Variants in NBAS observed in about 807,000 individuals in gnomAD.
NBAS encodes NBAS subunit of NRZ tethering complex.
In NBAS, 219 loss-of-function variants were observed where a neutral mutation model predicts 302.5. The ratio of observed to expected loss-of-function variants is 0.72; its 90% CI spans 0.65 to 0.81. The LOEUF is 0.81. Ranked by LOEUF, NBAS falls within the 30% of genes least tolerant of loss-of-function variation. NBAS has a pLI of 0.00. For synonymous variants in NBAS, 1,118 were observed against 1,021.6 expected (o/e 1.09, Z -1.80); for missense variants, 2,932 against 2,841.6 (o/e 1.03, Z -0.72).
At chr2:15,539,117 T>C in intron 7 of NBAS, 106 bp downstream of exon 7, 1 of 1,463,120 alleles carries the variant, frequency 6.8e-7, no homozygotes, top group Non-Finnish European at 9.5e-7. Flanking sequence ...AGCTTATTAT[T>C]CTGATTTATA....
At chr2:15,202,494 C>A (rs1033560048) in intron 48 of NBAS, among the ~76,000 whole-genome samples, 2 of 151,306 alleles carry the variant, frequency 1.3e-5, no homozygotes. Context: ...TGCCATGTGA[C>A]CCCCTATAAA....
intron 47 of NBAS, among the ~76,000 whole-genome samples, chr2:15,221,832 C>T (rs1666962050): frequency 1.3e-5 from 2 of 152,204 alleles, no homozygotes. Context: ...GAAAGATAGG[C>T]TTTCTCACCT....
At chr2:15,212,541 CCT>C (rs1304975165) in intron 48 of NBAS, among the ~76,000 whole-genome samples, 1 of 152,126 alleles carries the variant, frequency 6.6e-6, no homozygotes, top group African/African-American at 2.4e-5. Context: ...TCCTTTGACC[CCT>C]GTGTACTGTG....
Position 15,512,855 on chromosome 2 carries a change from T to C in NBAS, c.747-1505A>G, listed in dbSNP as rs192962865. 9.4e-4 allele frequency among the ~76,000 whole-genome samples: 143 copies of C among 152,328 alleles called. 2 individuals are homozygous for C. The South Asian group carries it at 0.021, about 22-fold the overall frequency. On this transcript the variant is annotated intron_variant, in intron 9 of 51. Coordinates refer to ENST00000281513, the MANE Select transcript of NBAS (RefSeq NM_015909.4). ...AACTGCAGGGTAAGTTTGTGTTATG[T>C]CACCAAGTTTGTGATTCATAGAAAA...
intron 6 of NBAS, among the ~76,000 whole-genome samples, chr2:15,548,479 C>T (rs1337247994): frequency 6.6e-6 from 1 of 151,790 alleles, no homozygotes; most frequent in Non-Finnish European, 1.5e-5. Flanking sequence ...GCATCTCTAT[C>T]AAAAATACAA....
the NBAS span, among the ~76,000 whole-genome samples, chr2:15,045,159 A>G: frequency 6.6e-6 from 1 of 152,192 alleles, no homozygotes; most frequent in Non-Finnish European, 1.5e-5. Context: ...CCAGGGAGCT[A>G]TTGTTGACCA....
At chr2:15,082,308 G>A in the NBAS span, among the ~76,000 whole-genome samples, 2 of 152,152 alleles carry the variant, frequency 1.3e-5, no homozygotes, top group Non-Finnish European at 2.9e-5. Context: ...AGGTGTTTAT[G>A]GAGTCACTAT....
At chr2:14,892,806 T>A in the NBAS span, among the ~76,000 whole-genome samples, 4 of 152,204 alleles carry the variant, frequency 2.6e-5, no homozygotes, top group Non-Finnish European at 5.9e-5. Context: ...TTGAATACTC[T>A]GTTTGGATTC....
At chr2:15,107,900 G>T in the NBAS span, among the ~76,000 whole-genome samples, 1 of 152,120 alleles carries the variant, frequency 6.6e-6, no homozygotes, top group African/African-American at 2.4e-5. Context: ...CTGTTGAGTA[G>T]ATTGGTCATT....
At chr2:15,204,705 T>C (rs1313827797) in intron 48 of NBAS, among the ~76,000 whole-genome samples, 1 of 152,206 alleles carries the variant, frequency 6.6e-6, no homozygotes, top group African/African-American at 2.4e-5. Flanking sequence ...TCATGTCCTT[T>C]GTAGGGACAT....
At chr2:14,887,066 C>A in the NBAS span, among the ~76,000 whole-genome samples, 1 of 152,072 alleles carries the variant, frequency 6.6e-6, no homozygotes, top group Admixed American at 6.5e-5. Context: ...ACTTAGAAAC[C>A]CCATAAACTT....
the NBAS span, among the ~76,000 whole-genome samples, chr2:15,036,707 C>T: frequency 6.6e-6 from 1 of 152,188 alleles, no homozygotes. Flanking sequence ...CTTGGCCAAG[C>T]TTTCTCCCCC....
At chr2:14,821,892 G>A in the NBAS span, among the ~76,000 whole-genome samples, 150 of 152,024 alleles carry the variant, frequency 9.9e-4, 1 homozygote, top group Admixed American at 6.5e-3. Flanking sequence ...AATTAGCCAG[G>A]CACAGTGACA....
the NBAS span, among the ~76,000 whole-genome samples, chr2:14,821,268 T>C: frequency 6.6e-6 from 1 of 152,100 alleles, no homozygotes; most frequent in Non-Finnish European, 1.5e-5. Context: ...CCCTATATGG[T>C]AGGTGGCTTG....
At chr2:15,069,001 C>A in the NBAS span, among the ~76,000 whole-genome samples, 1 of 152,092 alleles carries the variant, frequency 6.6e-6, no homozygotes, top group Non-Finnish European at 1.5e-5. Flanking sequence ...CTTAGCATGT[C>A]CCTCTGATCT....
chr2:15,378,135 A>C (rs1384265081), intron 30 of NBAS, among the ~76,000 whole-genome samples: 4 of 152,206 alleles, frequency 2.6e-5, no homozygotes, highest in Non-Finnish European at 5.9e-5. Flanking sequence ...AGAAACAAAA[A>C]CTGAGAGATT....
the NBAS span, among the ~76,000 whole-genome samples, chr2:15,077,872 C>T: frequency 6.6e-6 from 1 of 151,666 alleles, no homozygotes; most frequent in Non-Finnish European, 1.5e-5. Context: ...TTAGTAGAGA[C>T]GGGGTTTCAC....
At chr2:14,810,803 A>G in the NBAS span, among the ~76,000 whole-genome samples, 1 of 152,250 alleles carries the variant, frequency 6.6e-6, no homozygotes, top group Non-Finnish European at 1.5e-5. Context: ...AACATCTATT[A>G]GCAATTTAAC....
chr2:14,934,563 A>T, the NBAS span, among the ~76,000 whole-genome samples: 3 of 152,214 alleles, frequency 2.0e-5, no homozygotes, highest in Admixed American at 2.0e-4. Context: ...TTTTCCAAGC[A>T]ACAATGTCAA....
Sources: allele counts gnomAD v4.1 joint callset (sites outside exome capture counted in the v4.1 genomes callset), GRCh38; gene constraint gnomAD v4.1.1; transcripts MANE v1.5; gene names NCBI Gene and HGNC (gene_info 2026-07-23, HGNC 2026-07-21).